Variants in CPD observed in about 807,000 individuals in gnomAD.
The protein encoded by CPD is metallocarboxypeptidase D.
In CPD, 69 loss-of-function variants were observed where a neutral mutation model predicts 138.3. That is an observed-to-expected ratio of 0.50 (90% CI 0.41 to 0.61). The LOEUF is 0.61. Ranked by LOEUF, CPD falls within the 20% of genes least tolerant of loss-of-function variation. The pLI is 0.00. For missense variants in CPD, 1,432 were observed against 1,733.3 expected, an observed-to-expected ratio of 0.83 and a Z score of 3.09; for synonymous variants, 651 against 642.1, an observed-to-expected ratio of 1.01 and a Z score of -0.21.
intron 5 of CPD, 47 bp from the exon 6 acceptor site, chr17:30,423,459 T>C: frequency 2.2e-6 from 3 of 1,365,134 alleles, no homozygotes; most frequent in Non-Finnish European, 2.9e-6. Flanking sequence ...GAGTCCATGA[T>C]GATTAAGAAG....
At chr17:30,453,612 G>C (rs1913220403) in intron 14 of CPD, among the ~76,000 whole-genome samples, 2 of 152,184 alleles carry the variant, frequency 1.3e-5, no homozygotes, top group Admixed American at 1.3e-4. Context: ...GAGTCTGGAG[G>C]ATGGTGGCCC....
intron 6 of CPD, among the ~76,000 whole-genome samples, chr17:30,424,358 C>G (rs1009698940): frequency 3.3e-5 from 5 of 152,098 alleles, no homozygotes; most frequent in Non-Finnish European, 7.4e-5. Context: ...GGTATTAATG[C>G]TGATTGACTT....
chr17:30,398,900 G>A (rs1357893619), intron 2 of CPD, among the ~76,000 whole-genome samples: 1 of 150,978 alleles, frequency 6.6e-6, no homozygotes, highest in African/African-American at 2.4e-5. Context: ...ACTTGAAGTT[G>A]ATGAATAAAG....
chr17:30,462,589 T>A, intron 20 of CPD, 120 bp downstream of exon 20: 1 of 685,858 alleles, frequency 1.5e-6, no homozygotes, highest in Non-Finnish European at 2.5e-6. Flanking sequence ...TAATGTCTCC[T>A]TATCTAAATG....
Position 30,421,644 on chromosome 17 carries a change from T to C in CPD, c.1138-20T>C. On this transcript the variant is annotated intron_variant, in intron 3 of 20. Transcript: ENST00000225719. ...CCTTCCAAATTCACCGTCTCTGAGC[T>C]TGGATTCTTGTCTTCTTAGGTTCAC... 1 of 1,612,124 alleles carries C rather than the reference T, an allele frequency of 6.2e-7. No individual in the cohort carries two copies. The highest frequency in any genetic ancestry group is 8.5e-7 in the Non-Finnish European group (1 of 1,178,902).
chr17:30,383,944 A>G (rs1485431212), intron 1 of CPD, among the ~76,000 whole-genome samples: 1 of 152,104 alleles, frequency 6.6e-6, no homozygotes, highest in African/African-American at 2.4e-5. Context: ...TTTTGCCTTT[A>G]GGTTTTAGCT....
At position 30,429,118 on chromosome 17, in the gene CPD, G is replaced by A. The variant is rs140976711; in HGVS notation, c.2017+1560G>A. Among the ~76,000 whole-genome samples, 18 of 152,156 alleles carry A rather than the reference G, an allele frequency of 1.2e-4. No homozygotes were observed. In the East Asian group the frequency reaches 2.7e-3, roughly 23 times the overall value. ...AGTAGAAAAAAGTACTTCTACAGTTGGTAATCATATATTGTTCTCAAAGAG... is the reference window on the plus strand; with the variant it reads ...AGTAGAAAAAAGTACTTCTACAGTTAGTAATCATATATTGTTCTCAAAGAG... On this transcript the variant is annotated intron_variant, in intron 7 of 20. Coordinates refer to ENST00000225719, the MANE Select transcript of CPD (RefSeq NM_001304.5).
At chr17:30,406,503 T>C (rs1911803466) in intron 2 of CPD, among the ~76,000 whole-genome samples, 1 of 152,210 alleles carries the variant, frequency 6.6e-6, no homozygotes, top group Non-Finnish European at 1.5e-5. Context: ...TCACAAGTTA[T>C]GGTCCAATTA....
At chr17:30,409,423 A>G (rs1436745211) in intron 2 of CPD, among the ~76,000 whole-genome samples, 1 of 152,188 alleles carries the variant, frequency 6.6e-6, no homozygotes, top group African/African-American at 2.4e-5. Flanking sequence ...GAATAGTTTC[A>G]GAAGGAATGG....
intron 7 of CPD, among the ~76,000 whole-genome samples, chr17:30,428,600 A>G (rs1158710426): frequency 6.6e-6 from 1 of 152,202 alleles, no homozygotes; most frequent in Non-Finnish European, 1.5e-5. Flanking sequence ...CACATAGTGC[A>G]TGATTATTAT....
intron 1 of CPD, chr17:30,380,465 G>A: frequency 1.6e-6 from 2 of 1,280,732 alleles, no homozygotes; most frequent in Non-Finnish European, 2.0e-6. Flanking sequence ...GACTCTGAAG[G>A]GTTTGTGATG....
At chr17:30,429,346 A>G (rs1912503930) in intron 7 of CPD, among the ~76,000 whole-genome samples, 1 of 152,212 alleles carries the variant, frequency 6.6e-6, no homozygotes, top group Non-Finnish European at 1.5e-5. Context: ...TAAGTCACAG[A>G]TTTACAGATG....
chr17:30,412,402 C>G (rs1002496534), intron 2 of CPD, among the ~76,000 whole-genome samples: 1 of 152,348 alleles, frequency 6.6e-6, no homozygotes, highest in African/African-American at 2.4e-5. Context: ...AACCACTGCT[C>G]TCTTCAGAGC....
intron 5 of CPD, 125 bp downstream of exon 5, chr17:30,423,148 A>C: frequency 1.4e-6 from 1 of 712,240 alleles, no homozygotes; most frequent in South Asian, 2.3e-5. Flanking sequence ...ACCTAACTAA[A>C]ATTAAAAGAA....
At chr17:30,425,325 A>G (rs56219633) in intron 6 of CPD, among the ~76,000 whole-genome samples, 1,939 of 152,182 alleles carry the variant, frequency 0.013, 45 homozygotes, top group African/African-American at 0.045. Context: ...ATTTCTTACA[A>G]TGTCTTAGTG....
At chr17:30,395,544 C>T (rs1911480834) in intron 2 of CPD, among the ~76,000 whole-genome samples, 1 of 151,952 alleles carries the variant, frequency 6.6e-6, no homozygotes, top group South Asian at 2.1e-4. Context: ...AAAGACTGAC[C>T]TTTAGGAGCA....
At chr17:30,431,279 T>C (rs1912557270) in intron 7 of CPD, among the ~76,000 whole-genome samples, 1 of 152,216 alleles carries the variant, frequency 6.6e-6, no homozygotes, top group Non-Finnish European at 1.5e-5. Flanking sequence ...GAGAAATATC[T>C]GTTCAAGTCC....
intron 2 of CPD, among the ~76,000 whole-genome samples, chr17:30,409,066 G>A (rs1911885915): frequency 6.6e-6 from 1 of 152,132 alleles, no homozygotes; most frequent in Non-Finnish European, 1.5e-5. Flanking sequence ...TTAGCATGAA[G>A]GGCTGTTGAA....
intron 2 of CPD, among the ~76,000 whole-genome samples, chr17:30,388,065 G>A (rs1473712541): frequency 1.3e-5 from 2 of 152,228 alleles, no homozygotes; most frequent in Non-Finnish European, 2.9e-5. Flanking sequence ...ATCCTGATGA[G>A]TGTTCAGCTT....
Sources: gnomAD v4.1 joint callset for allele counts (sites outside exome capture counted in the v4.1 genomes callset) on GRCh38, gnomAD v4.1.1 for gene constraint, MANE v1.5 for transcripts, NCBI Gene and HGNC (gene_info 2026-07-23, HGNC 2026-07-21) for gene names.